COBLL1: variants seen among roughly 807,000 people sequenced by gnomAD.
COBLL1 encodes the protein cordon-bleu protein-like 1.
In COBLL1, 50 loss-of-function variants were observed where a neutral mutation model predicts 94.8. The ratio of observed to expected loss-of-function variants is 0.53; its 90% confidence interval spans 0.42 to 0.67. The LOEUF (loss-of-function observed/expected upper bound fraction) is 0.67. Among genes scored for constraint, COBLL1 ranks in the 30% least tolerant of loss-of-function variants. The probability of loss-of-function intolerance (pLI) is 0.00; values close to 1 mark genes in which losing one functional copy is unlikely to be tolerated. For synonymous variants in COBLL1, 448 were observed against 473.8 expected (o/e 0.95, Z 0.71); for missense variants, 1,362 against 1,348.7 (o/e 1.01, Z -0.15).
Position 164,683,586 on chromosome 2 carries a change from C to G in COBLL1, c.*2360G>C, listed in dbSNP as rs979218071. 2 of 152,082 alleles carry G rather than the reference C, an allele frequency of 1.3e-5. No individual in the cohort carries two copies. The highest frequency in any genetic ancestry group is 2.9e-5 in the Non-Finnish European group (2 of 68,002). 9.4% of individuals were successfully genotyped at this position (152,082 alleles called of 1,614,324 possible). A position where few individuals can be genotyped will look rare whatever the true frequency, so the allele number is the denominator to read the frequency against. On this transcript the variant is annotated 3_prime_UTR_variant, in exon 14 of 14. Coordinates refer to ENST00000652658, the MANE Select transcript of COBLL1 (RefSeq NM_001365672.2). The stretch of plus-strand genomic sequence containing the variant: ...TCAAACAGCAGTTTATAAAATACTA[C>G]GAACACAATTGATGCCTCTTATAAA...
intron 7 of COBLL1, among the ~76,000 whole-genome samples, chr2:164,712,051 C>A (rs781338982): frequency 6.6e-6 from 1 of 152,056 alleles, no homozygotes; most frequent in African/African-American, 2.4e-5. Context: ...GATTGTTAAT[C>A]CCCCAGAATT....
intron 2 of COBLL1, among the ~76,000 whole-genome samples, chr2:164,818,196 GTA>G (rs1339962243): frequency 6.9e-6 from 1 of 145,210 alleles, no homozygotes; most frequent in African/African-American, 2.5e-5. Context: ...ATATACGTAT[GTA>G]TACATATGTG....
chr2:164,737,942 G>A (rs961089188), intron 3 of COBLL1, among the ~76,000 whole-genome samples: 1 of 152,114 alleles, frequency 6.6e-6, no homozygotes, highest in African/African-American at 2.4e-5. Context: ...CATGTCTCTG[G>A]GTTATTTTAT....
At chr2:164,708,620 T>TA (rs1684726396) in intron 7 of COBLL1, among the ~76,000 whole-genome samples, 1 of 152,124 alleles carries the variant, frequency 6.6e-6, no homozygotes, top group African/African-American at 2.4e-5. Context: ...CCCTTCACTT[T>TA]AAAAAAATAA....
At chr2:164,724,887 C>G (rs1449454056) in intron 5 of COBLL1, 1 of 151,788 alleles carries the variant, frequency 6.6e-6, no homozygotes, top group African/African-American at 2.4e-5. Flanking sequence ...ACTTTTAAAT[C>G]TGATGATTCA....
chr2:164,679,651 C>T (rs2105392578), downstream of COBLL1, among the ~76,000 whole-genome samples: 2 of 151,842 alleles, frequency 1.3e-5, no homozygotes, highest in African/African-American at 4.8e-5. Flanking sequence ...TTCATTTTCC[C>T]TATTTCTCTC....
chr2:164,730,769 T>C (rs1211291740), intron 3 of COBLL1, among the ~76,000 whole-genome samples: 1 of 152,196 alleles, frequency 6.6e-6, no homozygotes, highest in Non-Finnish European at 1.5e-5. Context: ...TGGCAGTCTT[T>C]AGCTTATGAA....
rs1454643110 is a variant in COBLL1, at chr2:164,722,081, T to G, written c.990A>C (p.Thr330=). The change falls in exon 7 of 14, where the codon ACA becomes ACC. Residue 330 remains threonine, a synonymous_variant. Transcript: ENST00000652658. ...CIVKSMSVDE[T]DKSPCEAGRV... is the part of the protein sequence containing the mutation. ...AGAAAACAAAACTACACACCTTATC[T>G]GTCTCATCCACGCTCATGGATTTCA... The G allele has an allele frequency of 1.3e-6, 2 of 1,587,946 alleles. No individual in the cohort carries two copies. The highest frequency in any genetic ancestry group is 2.7e-5 in the African/African-American group (2 of 73,690).
chr2:164,690,070 A>G (rs550229887), intron 13 of COBLL1, among the ~76,000 whole-genome samples: 1 of 152,184 alleles, frequency 6.6e-6, no homozygotes, highest in East Asian at 1.9e-4. Context: ...TACTGCTATT[A>G]ATTCTACTAA....
chr2:164,841,268 G>A lies in COBLL1; in HGVS notation c.-50-22C>T. On this transcript the variant is annotated intron_variant, in intron 1 of 13. Coordinates refer to ENST00000652658, the MANE Select transcript of COBLL1 (RefSeq NM_001365672.2). This position sits in a 1 kb window ranked among gnomAD's most constrained non-coding sequence, Gnocchi z 5.5. ...ACTGCTGGGGTGGGAGAGGCCGGCG[G>A]GTCAGGGCGGGACGCGCGCCTTCCC... The A allele has an allele frequency of 1.6e-6, 2 of 1,222,202 alleles. No individual in the cohort carries two copies. Among genetic ancestry groups the A allele is most frequent in the Non-Finnish European group, 2.0e-6 (2 of 981,854 alleles). 75.7% of individuals were successfully genotyped at this position (1,222,202 alleles called of 1,614,324 possible).
intron 7 of COBLL1, among the ~76,000 whole-genome samples, chr2:164,708,969 G>A (rs1478446353): frequency 6.6e-6 from 1 of 152,092 alleles, no homozygotes; most frequent in Admixed American, 6.5e-5. Context: ...GTATCTACTT[G>A]GGAGTTAGAG....
At chr2:164,715,603 C>T (rs1213995112) in intron 7 of COBLL1, among the ~76,000 whole-genome samples, 1 of 151,914 alleles carries the variant, frequency 6.6e-6, no homozygotes, top group Non-Finnish European at 1.5e-5. Flanking sequence ...ATCATCTTAT[C>T]TGCTTATAAA....
intron 2 of COBLL1, among the ~76,000 whole-genome samples, chr2:164,826,214 G>A (rs150620364): frequency 5.1e-4 from 78 of 152,284 alleles, no homozygotes; most frequent in African/African-American, 1.7e-3. Flanking sequence ...TAATCTCAGT[G>A]GGGGCATTTT....
intron 12 of COBLL1, 109 bp from the exon 13 acceptor site, chr2:164,692,506 A>T: frequency 1.2e-6 from 1 of 821,864 alleles, no homozygotes; most frequent in Non-Finnish European, 1.9e-6. Context: ...CATTTGCCAC[A>T]CTGGTGTTTC....
At chr2:164,717,687 G>A (rs1166189179) in intron 7 of COBLL1, among the ~76,000 whole-genome samples, 1 of 152,110 alleles carries the variant, frequency 6.6e-6, no homozygotes, top group Non-Finnish European at 1.5e-5. Flanking sequence ...CTGAGTAGCT[G>A]GGACTGCAGG....
chr2:164,818,582 A>G (rs1380311212), intron 2 of COBLL1, among the ~76,000 whole-genome samples: 3 of 148,394 alleles, frequency 2.0e-5, no homozygotes, highest in African/African-American at 4.9e-5. Flanking sequence ...ATATATGTAC[A>G]TATGTACACA....
At chr2:164,761,499 G>A (rs1287354557) in intron 2 of COBLL1, 1 of 150,450 alleles carries the variant, frequency 6.6e-6, no homozygotes, top group Non-Finnish European at 1.5e-5. Context: ...TAACACATCT[G>A]ATAATACAGA....
intron 2 of COBLL1, among the ~76,000 whole-genome samples, chr2:164,753,458 A>C (rs1471976293): frequency 6.6e-6 from 1 of 151,860 alleles, no homozygotes; most frequent in Non-Finnish European, 1.5e-5. Context: ...AACAAAAAAA[A>C]AAAATGCAGA....
At chr2:164,817,735 G>A (rs1378213217) in intron 2 of COBLL1, among the ~76,000 whole-genome samples, 2 of 152,154 alleles carry the variant, frequency 1.3e-5, no homozygotes, top group African/African-American at 2.4e-5. Flanking sequence ...CAAGGTCAGC[G>A]CAACAGTTCC....
Sources: gnomAD v4.1 joint callset for allele counts (sites outside exome capture counted in the v4.1 genomes callset) on GRCh38, gnomAD v4.1.1 for gene constraint, Gnocchi (gnomAD v3.1) non-coding constraint, MANE v1.5 for transcripts, NCBI Gene and HGNC (gene_info 2026-07-23, HGNC 2026-07-21) for gene names.